The following LTBP1 variants were observed in gnomAD, a reference collection of about 807,000 sequenced individuals.
LTBP1 encodes the protein latent-transforming growth factor beta-binding protein 1.
LTBP1 carries 129 observed loss-of-function variants against 207.6 expected under a neutral mutation model. The ratio of observed to expected loss-of-function variants is 0.62; its 90% CI spans 0.54 to 0.72. The LOEUF is 0.72. Among genes scored for constraint, LTBP1 ranks in the 30% least tolerant of loss-of-function variants. The pLI is 0.00. For synonymous variants in LTBP1, 963 were observed against 833.7 expected, an observed-to-expected ratio of 1.16 and a Z score of -2.67; for missense variants, 2,281 against 2,217.2, an observed-to-expected ratio of 1.03 and a Z score of -0.58.
intron 7 of LTBP1, among the ~76,000 whole-genome samples, chr2:33,216,426 A>G (rs185941544): frequency 2.0e-5 from 3 of 152,300 alleles, no homozygotes; most frequent in Admixed American, 1.3e-4. Context: ...GTATGTCTGC[A>G]GGATAGAGGT....
chr2:33,138,283 C>G (rs2082302369), intron 5 of LTBP1, among the ~76,000 whole-genome samples: 1 of 152,144 alleles, frequency 6.6e-6, no homozygotes, highest in African/African-American at 2.4e-5. Context: ...ATAACTTCTG[C>G]TTAATGCAAC....
chr2:33,394,607 A>C (rs1011244298), intron 32 of LTBP1, among the ~76,000 whole-genome samples: 1 of 152,160 alleles, frequency 6.6e-6, no homozygotes, highest in Non-Finnish European at 1.5e-5. Flanking sequence ...CAAAGATCAG[A>C]TGGTTGTAGA....
chr2:33,373,979 T>G (rs1289957160), intron 31 of LTBP1, among the ~76,000 whole-genome samples: 1 of 152,224 alleles, frequency 6.6e-6, no homozygotes, highest in Non-Finnish European at 1.5e-5. Flanking sequence ...GAATTTGGAA[T>G]GTCTTCAAAC....
chr2:33,328,583 A>C (rs558492173), intron 24 of LTBP1, among the ~76,000 whole-genome samples: 9 of 152,276 alleles, frequency 5.9e-5, no homozygotes, highest in African/African-American at 2.2e-4. Flanking sequence ...CAGACACTTA[A>C]AAAATCATCA....
intron 3 of LTBP1, among the ~76,000 whole-genome samples, chr2:33,029,290 A>G (rs557085956): frequency 3.0e-4 from 46 of 152,260 alleles, no homozygotes; most frequent in African/African-American, 9.4e-4. Context: ...CAGCCTGCCC[A>G]ACATGGTGAA....
rs1216978530 is a variant in LTBP1 at position 33,290,397 on chromosome 2, A to G, written c.3113-2763A>G. 3.3e-5 allele frequency among the ~76,000 whole-genome samples: 5 copies of G among 152,328 alleles called. No homozygotes were observed. The East Asian group carries it at 5.8e-4, about 18-fold the overall frequency. On this transcript the variant is annotated intron_variant, in intron 19 of 33. Coordinates refer to ENST00000404816, the MANE Select transcript of LTBP1 (RefSeq NM_206943.4). ...AACTGTGGGGGCCAAGCCTTCTGCT[A>G]TCATTACCACCCAGGGCCCCACAAG...
intron 24 of LTBP1, among the ~76,000 whole-genome samples, chr2:33,332,576 A>G (rs80012793): frequency 6.7e-6 from 1 of 149,358 alleles, no homozygotes; most frequent in Admixed American, 6.7e-5. Flanking sequence ...TTTTTTTTTT[A>G]TATGGAGTCT....
intron 5 of LTBP1, among the ~76,000 whole-genome samples, chr2:33,157,384 T>C (rs1411916632): frequency 6.6e-6 from 1 of 152,218 alleles, no homozygotes; most frequent in African/African-American, 2.4e-5. Context: ...CAAAGGATCC[T>C]GCGTGCAGGA....
chr2:33,103,769 G>A (rs1280684565), intron 3 of LTBP1, among the ~76,000 whole-genome samples: 1 of 152,088 alleles, frequency 6.6e-6, no homozygotes, highest in African/African-American at 2.4e-5. Flanking sequence ...TTACTTGAAT[G>A]CCCATCCTGC....
chr2:32,954,534 G>A (rs1677728248), intron 2 of LTBP1, among the ~76,000 whole-genome samples: 1 of 140,060 alleles, frequency 7.1e-6, no homozygotes, highest in African/African-American at 2.7e-5. Context: ...ACTGTATTAG[G>A]GCCTCCACTC....
At chr2:33,320,362 C>T (rs937306465) in intron 24 of LTBP1, among the ~76,000 whole-genome samples, 2 of 148,318 alleles carry the variant, frequency 1.3e-5, no homozygotes, top group African/African-American at 5.0e-5. Flanking sequence ...AGCAAGACTG[C>T]CTCAAAAAGA....
At position 33,399,202 on chromosome 2, in the gene LTBP1, G is replaced by T. The variant is rs573723842; in HGVS notation, c.*657G>T. 10 of 152,592 alleles carry T rather than the reference G, an allele frequency of 6.6e-5. No homozygotes were observed. The highest frequency in any genetic ancestry group is 2.4e-4 in the African/African-American group (10 of 41,558). The allele number at this position is 152,592 out of a possible 1,614,324, so 9.5% of individuals were successfully genotyped here. ...CCGTTCTTAGCCAAGCTGCTAGCAG[G>T]TGTTAATTGGATCCCTTTCCTTCAC... is the stretch of plus-strand genomic sequence containing the variant. On this transcript the variant is annotated 3_prime_UTR_variant, in exon 34 of 34. Coordinates refer to ENST00000404816, the MANE Select transcript of LTBP1 (RefSeq NM_206943.4).
intron 9 of LTBP1, among the ~76,000 whole-genome samples, chr2:33,228,912 G>A (rs1318498493): frequency 1.3e-5 from 2 of 151,626 alleles, no homozygotes; most frequent in African/African-American, 2.4e-5. Flanking sequence ...TGTTTGCCAG[G>A]ATGGTTTTGA....
chr2:33,069,064 G>T (rs772701765), intron 3 of LTBP1, among the ~76,000 whole-genome samples: 2 of 152,294 alleles, frequency 1.3e-5, no homozygotes, highest in Admixed American at 1.3e-4. Context: ...AGGATATTTT[G>T]CTCCGGAAGT....
chr2:33,335,883 C>T (rs2094548726), intron 24 of LTBP1, among the ~76,000 whole-genome samples: 1 of 152,126 alleles, frequency 6.6e-6, no homozygotes, highest in South Asian at 2.1e-4. Context: ...TAACCAATCT[C>T]AGTTGGTTAA....
intron 19 of LTBP1, among the ~76,000 whole-genome samples, chr2:33,285,035 C>CTTTTTTTTTTTTT (rs934497674): frequency 1.7e-5 from 2 of 120,126 alleles, no homozygotes; most frequent in Non-Finnish European, 3.4e-5. Context: ...GTATCACATT[C>CTTTTTTTTTTTTT]TTTTTTTTTT....
intron 9 of LTBP1, among the ~76,000 whole-genome samples, chr2:33,226,771 G>A (rs1016337276): frequency 4.6e-5 from 7 of 152,156 alleles, no homozygotes; most frequent in Admixed American, 4.6e-4. Flanking sequence ...AGCAGTGAGG[G>A]TGACTAGAGG....
intron 31 of LTBP1, among the ~76,000 whole-genome samples, chr2:33,367,620 T>C (rs1476116973): frequency 6.6e-6 from 1 of 152,208 alleles, no homozygotes; most frequent in Non-Finnish European, 1.5e-5. Flanking sequence ...TTTCTGCTTC[T>C]GAGTAATTTC....
chr2:33,237,676 C>T (rs1024432851), intron 9 of LTBP1, among the ~76,000 whole-genome samples: 1 of 152,160 alleles, frequency 6.6e-6, no homozygotes, highest in Non-Finnish European at 1.5e-5. Context: ...AGAAATCGGA[C>T]TCATTACTTT....
Sources: allele counts gnomAD v4.1 joint callset (sites outside exome capture counted in the v4.1 genomes callset), GRCh38; gene constraint gnomAD v4.1.1; transcripts MANE v1.5; gene names NCBI Gene and HGNC (gene_info 2026-07-23, HGNC 2026-07-21).